The following DNAH2 variants were observed in gnomAD, a reference collection of about 807,000 sequenced individuals.
DNAH2 encodes the protein dynein axonemal heavy chain 2.
In DNAH2, 323 loss-of-function variants were observed where a neutral mutation model predicts 523.5. The ratio of observed to expected loss-of-function variants is 0.62; its 90% CI spans 0.56 to 0.68. The LOEUF is 0.68. Ranked by LOEUF, DNAH2 falls within the 30% of genes least tolerant of loss-of-function variation. The probability of loss-of-function intolerance (pLI) is 0.00; values close to 1 mark genes in which losing one functional copy is unlikely to be tolerated. For synonymous variants in DNAH2, 2,093 were observed against 2,177.4 expected (o/e 0.96, Z 1.08); for missense variants, 4,907 against 5,701.5 (o/e 0.86, Z 4.49).
chr17:7,793,060 G>A lies in DNAH2; in HGVS notation c.7424G>A (p.Gly2475Asp), dbSNP rs749184991. The change falls in exon 48 of 86, where the codon GGC becomes GAC. Residue 2475 changes from glycine to aspartate, a missense_variant. Physicochemically the swap from Gly to Asp is moderately conservative, Grantham distance 94. This residue lies in a region of DNAH2 where 2,806 missense variants were observed against 3,190.8 expected (regional missense o/e 0.88). Coordinates refer to ENST00000572933, the MANE Select transcript of DNAH2 (RefSeq NM_020877.5). ...AAGGGTGTCTACGTGCCATTCGGGG[G>A]CAAAAGCATGATCACCTTTATGGAT... ...RTKGVYVPFG[G>D]KSMITFMDDL... is the part of the protein sequence containing the mutation. 1.9e-6 allele frequency: 3 copies of A among 1,614,174 alleles called. No individual in the cohort carries two copies. The highest frequency in any genetic ancestry group is 2.2e-5 in the East Asian group (1 of 44,888).
intron 63 of DNAH2, 122 bp from the exon 64 acceptor site, chr17:7,816,449 C>A: frequency 1.7e-6 from 2 of 1,173,846 alleles, no homozygotes; most frequent in Non-Finnish European, 2.4e-6. Flanking sequence ...AAACTAGGCT[C>A]AAAGAGATTA....
rs2078072181 is a variant in DNAH2, at chr17:7,828,140, G to A, written c.11854-2160G>A. Among the ~76,000 whole-genome samples, 1 of 151,908 alleles carries A rather than the reference G, an allele frequency of 6.6e-6. No individual in the cohort carries two copies. Among genetic ancestry groups the A allele is most frequent in the Admixed American group, 6.6e-5 (1 of 15,244 alleles). On this transcript the variant is annotated intron_variant, in intron 77 of 85. Coordinates refer to ENST00000572933, the MANE Select transcript of DNAH2 (RefSeq NM_020877.5). The surrounding 1 kb of genome is among the most constrained non-coding windows in gnomAD (Gnocchi z 4.1). ...CACCATGTTGGCCAGGCTGGTCTTGGACTCCTGGACTTAAGCTGTCCTCCC... is the reference window on the plus strand; with the variant it reads ...CACCATGTTGGCCAGGCTGGTCTTGAACTCCTGGACTTAAGCTGTCCTCCC...
chr17:7,789,167 AAAAAC>A (rs2076827930), intron 44 of DNAH2, among the ~76,000 whole-genome samples: 1 of 44,820 alleles, frequency 2.2e-5, no homozygotes, highest in South Asian at 9.4e-4. Flanking sequence ...CTCTGTCTCA[AAAAAC>A]AAAAACAAAA....
chr17:7,804,544 C>A (rs2077313740), intron 59 of DNAH2, 78 bp downstream of exon 59: 38 of 1,508,296 alleles, frequency 2.5e-5, no homozygotes, highest in Non-Finnish European at 3.3e-5. Flanking sequence ...ATGTTCCCCC[C>A]TTCTTAAATT....
chr17:7,758,797 C>G, intron 14 of DNAH2, 88 bp from the exon 15 acceptor site: 1 of 1,579,516 alleles, frequency 6.3e-7, no homozygotes, highest in Non-Finnish European at 8.6e-7. Context: ...GTCATCCAGT[C>G]TAGCTGGAGA....
rs1370569615 is a variant in DNAH2 at position 7,797,713 on chromosome 17, A to G, written c.8114A>G (p.Asp2705Gly). 27 of 1,614,038 alleles carry G rather than the reference A, an allele frequency of 1.7e-5. No homozygotes were observed. Among genetic ancestry groups the G allele is most frequent in the Non-Finnish European group, 2.2e-5 (26 of 1,180,020 alleles). The change falls in exon 53 of 86, where the codon GAC becomes GGC. Residue 2705 changes from aspartate to glycine, a missense_variant. Around this residue, in one of 3 missense-constraint regions of DNAH2, gnomAD observed 250 missense variants for 371.3 expected, o/e 0.67. Transcript: ENST00000572933. Reference protein sequence around the residue: ...DFLKEPKVYEDLTDLTVLKTV... With the variant: ...DFLKEPKVYEGLTDLTVLKTV... ...CTGAAGGAGCCCAAGGTGTATGAAGACCTCACGGATCTGACAGTGCTGAAG... is the reference window on the plus strand; with the variant it reads ...CTGAAGGAGCCCAAGGTGTATGAAGGCCTCACGGATCTGACAGTGCTGAAG...
Position 7,767,884 on chromosome 17 carries a change from C to A in DNAH2, c.3676-16C>A. Reference sequence around the variant, plus strand: ...GGCAGGTGCCACTTCATGCAACGCGCCTTTCTGCCCTGTAGGAGCTCGATG... The same window carrying A: ...GGCAGGTGCCACTTCATGCAACGCGACTTTCTGCCCTGTAGGAGCTCGATG... On this transcript the variant is annotated splice_polypyrimidine_tract_variant and intron_variant, in intron 22 of 85. Coordinates refer to ENST00000572933, the MANE Select transcript of DNAH2 (RefSeq NM_020877.5). 1 of 1,613,918 alleles carries A rather than the reference C, an allele frequency of 6.2e-7. No homozygotes were observed. Among genetic ancestry groups the A allele is most frequent in the East Asian group, 2.2e-5 (1 of 44,876 alleles).
At position 7,759,427 on chromosome 17, in the gene DNAH2, G is replaced by A. The variant is rs2075941654; in HGVS notation, c.2454G>A (p.Gln818=). The A allele has an allele frequency of 6.2e-7, 1 of 1,610,156 alleles. No homozygotes were observed. The highest frequency in any genetic ancestry group is 8.5e-7 in the Non-Finnish European group (1 of 1,177,640). The part of the protein sequence containing the change: ...EVFKNDGPEI[Q]QQWMLYMIRL... ...TCCTCCCTCCATCCCATCAGATTCAGCAGCAGTGGATGCTGTACATGATTC... is the reference window on the plus strand; with the variant it reads ...TCCTCCCTCCATCCCATCAGATTCAACAGCAGTGGATGCTGTACATGATTC... Residue 818 remains glutamine (Q), a synonymous_variant, in exon 16 of 86, where the codon CAG becomes CAA. Transcript: ENST00000572933.
At chr17:7,778,818 C>T (rs1042458561) in intron 35 of DNAH2, among the ~76,000 whole-genome samples, 2 of 152,202 alleles carry the variant, frequency 1.3e-5, no homozygotes, top group African/African-American at 4.8e-5. Context: ...ATCCACCTGT[C>T]TTGGCCTCCC....
In DNAH2 at chr17:7,787,967, T is replaced by C; in HGVS notation, c.6711T>C (p.Tyr2237=). 6.2e-7 allele frequency: 1 copy of C among 1,614,214 alleles called. No individual in the cohort carries two copies. The highest frequency in any genetic ancestry group is 8.5e-7 in the Non-Finnish European group (1 of 1,180,022). ...TDYADLGWKP[Y]VQSWLEKRPK... ...ACGCTGACCTGGGCTGGAAGCCCTATGTTCAGTCATGGCTGGAGAAGAGGC... is the reference window on the plus strand; with the variant it reads ...ACGCTGACCTGGGCTGGAAGCCCTACGTTCAGTCATGGCTGGAGAAGAGGC... The change falls in exon 43 of 86, where the codon TAT becomes TAC. Residue 2237 remains tyrosine (Y), a synonymous_variant. Coordinates refer to ENST00000572933, the MANE Select transcript of DNAH2 (RefSeq NM_020877.5).
rs748776814 is a variant in DNAH2, at chr17:7,776,806, T to C, written c.4975T>C (p.Trp1659Arg). ...GGTGATCACTGCCAGTCAGATCCAG[T>C]GGACGGCTGATGTCACCAAGTGCCT... is the stretch of plus-strand genomic sequence containing the variant. ...QVVITASQIQ[W>R]TADVTKCLLT... is the part of the protein sequence containing the mutation. The change falls in exon 32 of 86, where the codon TGG (tryptophan) becomes CGG (arginine). Residue 1659 changes from tryptophan (W) to arginine (R), a missense_variant. This residue lies in a region of DNAH2 where 2,806 missense variants were observed against 3,190.8 expected (regional missense o/e 0.88). Transcript: ENST00000572933. 5.0e-6 allele frequency: 8 copies of C among 1,612,796 alleles called. No homozygotes were observed. The highest frequency in any genetic ancestry group is 6.8e-6 in the Non-Finnish European group (8 of 1,179,204).
intron 12 of DNAH2, among the ~76,000 whole-genome samples, chr17:7,746,073 A>T (rs1239740061): frequency 1.3e-5 from 2 of 152,242 alleles, no homozygotes; most frequent in African/African-American, 2.4e-5. Context: ...CAAAGAATGA[A>T]CAACCAAGAA....
In DNAH2 at chr17:7,823,633, C is replaced by G. The variant is rs779506486; in HGVS notation, c.11329+5C>G. 1.2e-6 allele frequency: 2 copies of G among 1,613,214 alleles called. No individual in the cohort carries two copies. The highest frequency in any genetic ancestry group is 2.7e-5 in the African/African-American group (2 of 74,916). On this transcript the variant is annotated splice_donor_5th_base_variant and intron_variant, in intron 74 of 85. Transcript: ENST00000572933. ...CGGAGAAGGCGATGCTGCCAGGTAC[C>G]AGGCGTCTGTGTCCCACTCTCACTT...
chr17:7,762,292 G>A (rs1423869548), intron 18 of DNAH2, among the ~76,000 whole-genome samples: 1 of 151,770 alleles, frequency 6.6e-6, no homozygotes, highest in Non-Finnish European at 1.5e-5. Context: ...GGGGATTTTA[G>A]GGAAGGCTTC....
intron 4 of DNAH2, among the ~76,000 whole-genome samples, chr17:7,730,925 G>A (rs2074964891): frequency 6.6e-6 from 1 of 151,974 alleles, no homozygotes; most frequent in African/African-American, 2.4e-5. Flanking sequence ...GACCAGCCTG[G>A]GCAACATAGT....
rs1332334999 is a variant in DNAH2 at position 7,764,140 on chromosome 17, T to C, written c.3203T>C (p.Leu1068Pro). 8 of 1,614,036 alleles carry C rather than the reference T, an allele frequency of 5.0e-6. No homozygotes were observed. The highest frequency in any genetic ancestry group is 6.8e-6 in the Non-Finnish European group (8 of 1,180,030). The change falls in exon 20 of 86, where the codon CTG becomes CCG. Residue 1068 changes from leucine (L) to proline (P), a missense_variant. By Grantham distance (98) the Leu-to-Pro change is moderately conservative. Around this residue, in one of 3 missense-constraint regions of DNAH2, gnomAD observed 2,806 missense variants for 3,190.8 expected, o/e 0.88. Coordinates refer to ENST00000572933, the MANE Select transcript of DNAH2 (RefSeq NM_020877.5). ...AEKISRPPQTLEELGVSLQLV... is the reference protein window; with the variant it reads ...AEKISRPPQTPEELGVSLQLV... ...AGAATCAGCCGCCCTCCGCAGACACTGGAGGAACTGGGGGTCAGCTTGCAG... is the reference window on the plus strand; with the variant it reads ...AGAATCAGCCGCCCTCCGCAGACACCGGAGGAACTGGGGGTCAGCTTGCAG...
At chr17:7,823,345 T>TAATAG in intron 73 of DNAH2, 97 bp from the exon 74 acceptor site, 1 of 1,009,694 alleles carries the variant, frequency 9.9e-7, no homozygotes, top group Non-Finnish European at 1.3e-6. Context: ...GAGAGAAAAA[T>TAATAG]ACAGAGAGAG....
At position 7,739,068 on chromosome 17, in the gene DNAH2, C is replaced by T. The variant is rs555660267; in HGVS notation, c.1171-665C>T. 1.2e-4 allele frequency: 84 copies of T among 694,436 alleles called. No individual in the cohort carries two copies. In the South Asian group the frequency reaches 1.2e-3, roughly 10 times the overall value. 43.0% of individuals were successfully genotyped at this position (694,436 alleles called of 1,614,324 possible). On this transcript the variant is annotated intron_variant, in intron 8 of 85. Transcript: ENST00000572933. Reference sequence around the variant, plus strand: ...CAGCAGACCCTCCAGAATCCCTCCCCACCTCCCACCCCAGGAACCAGGGCA... The same window carrying T: ...CAGCAGACCCTCCAGAATCCCTCCCTACCTCCCACCCCAGGAACCAGGGCA...
intron 15 of DNAH2, 96 bp from the exon 16 acceptor site, chr17:7,759,326 C>T (rs2075938392): frequency 2.0e-6 from 3 of 1,507,064 alleles, no homozygotes; most frequent in African/African-American, 1.4e-5. Flanking sequence ...TTCCATTAAA[C>T]CAACTTGTTT....
Sources: gnomAD v4.1 joint callset for allele counts (sites outside exome capture counted in the v4.1 genomes callset) on GRCh38, gnomAD v4.1.1 for gene constraint, gnomAD v4.1.1 regional missense constraint, Gnocchi (gnomAD v3.1) non-coding constraint, MANE v1.5 for transcripts, NCBI Gene and HGNC (gene_info 2026-07-23, HGNC 2026-07-21) for gene names.